ZFAT: variants seen among roughly 807,000 people sequenced by gnomAD.
ZFAT encodes zinc finger and AT-hook domain containing.
ZFAT carries 64 observed loss-of-function variants against 117.7 expected under a neutral mutation model. The observed-to-expected ratio is 0.54, with a 90% confidence interval of 0.44 to 0.67. The LOEUF (loss-of-function observed/expected upper bound fraction) is 0.67, where lower values mean the gene tolerates loss of function less well. Ranked by LOEUF, ZFAT falls within the 30% of genes least tolerant of loss-of-function variation. ZFAT has a pLI of 0.00. For synonymous variants in ZFAT, 679 were observed against 615.0 expected (o/e 1.10, Z -1.54); for missense variants, 1,433 against 1,584.5 (o/e 0.90, Z 1.62).
Position 134,638,097 on chromosome 8 carries a change from C to T in ZFAT, c.197-385G>A, listed in dbSNP as rs150899174. The stretch of plus-strand genomic sequence containing the variant: ...ACTGCTTAGGGACTCCTTTGCAAAG[C>T]GTTCTCAAAGGCTGCTGAGCTTGTC... On this transcript the variant is annotated intron_variant, in intron 2 of 15. Coordinates refer to ENST00000377838, the MANE Select transcript of ZFAT (RefSeq NM_020863.4). Among the ~76,000 whole-genome samples, 725 of 152,258 alleles carry T rather than the reference C, an allele frequency of 4.8e-3. 2 individuals are homozygous for T. The highest frequency in any genetic ancestry group is 8.1e-3 in the Non-Finnish European group (549 of 68,030).
the ZFAT span, among the ~76,000 whole-genome samples, chr8:134,740,364 T>C: frequency 6.6e-6 from 1 of 152,230 alleles, no homozygotes; most frequent in Non-Finnish European, 1.5e-5. Flanking sequence ...GAAAGTGAAC[T>C]TGTGCTACCC....
At chr8:134,814,663 C>T in the ZFAT span, among the ~76,000 whole-genome samples, 1 of 152,226 alleles carries the variant, frequency 6.6e-6, no homozygotes, top group Non-Finnish European at 1.5e-5. Context: ...GGACACTTAA[C>T]AGACACACCC....
chr8:134,572,115 G>C (rs976340242), intron 10 of ZFAT, among the ~76,000 whole-genome samples: 4 of 152,200 alleles, frequency 2.6e-5, no homozygotes, highest in Non-Finnish European at 5.9e-5. Context: ...TCACCTTAGT[G>C]CATCATACAA....
At chr8:134,816,394 G>T in the ZFAT span, among the ~76,000 whole-genome samples, 1 of 150,094 alleles carries the variant, frequency 6.7e-6, no homozygotes. Context: ...ATCCTGTGAT[G>T]AAAAAAACAA....
At chr8:134,645,498 A>AC (rs1830833616) in intron 2 of ZFAT, among the ~76,000 whole-genome samples, 5 of 151,924 alleles carry the variant, frequency 3.3e-5, no homozygotes, top group African/African-American at 1.2e-4. Flanking sequence ...CACACACACA[A>AC]AAAAGAAAAC....
At chr8:134,796,983 A>C in the ZFAT span, 1 of 152,202 alleles carries the variant, frequency 6.6e-6, no homozygotes, top group African/African-American at 2.4e-5. Flanking sequence ...GATTTGAAGA[A>C]TTTATAACAT....
intron 1 of ZFAT, among the ~76,000 whole-genome samples, chr8:134,669,428 A>G (rs1159852899): frequency 6.6e-6 from 1 of 152,270 alleles, no homozygotes; most frequent in African/African-American, 2.4e-5. Flanking sequence ...ACAAGCCAGA[A>G]GAGAGTGGAA....
chr8:134,698,197 A>T (rs1295444094), intron 1 of ZFAT, among the ~76,000 whole-genome samples: 1 of 151,828 alleles, frequency 6.6e-6, no homozygotes, highest in Non-Finnish European at 1.5e-5. Context: ...GTGGTGGCAG[A>T]TGCCTGTAGT....
At chr8:134,571,335 G>A (rs1168697337) in intron 10 of ZFAT, among the ~76,000 whole-genome samples, 1 of 152,234 alleles carries the variant, frequency 6.6e-6, no homozygotes, top group Non-Finnish European at 1.5e-5. Context: ...AGGAGGACCA[G>A]CCGCATGAGG....
At chr8:134,508,256 C>T (rs1819556815) in intron 15 of ZFAT, among the ~76,000 whole-genome samples, 1 of 152,224 alleles carries the variant, frequency 6.6e-6, no homozygotes, top group Non-Finnish European at 1.5e-5. Context: ...TCATGCTTTG[C>T]ATTGTGCCCT....
intron 11 of ZFAT, among the ~76,000 whole-genome samples, chr8:134,546,028 T>C (rs1822664446): frequency 6.6e-6 from 1 of 152,212 alleles, no homozygotes; most frequent in African/African-American, 2.4e-5. Context: ...GAATGATACA[T>C]AGCATGCAAC....
chr8:134,494,855 T>G (rs1818316472), intron 15 of ZFAT, among the ~76,000 whole-genome samples: 1 of 152,242 alleles, frequency 6.6e-6, no homozygotes, highest in Non-Finnish European at 1.5e-5. Flanking sequence ...CTTCTTGTTT[T>G]GAGCACCAGT....
chr8:134,486,164 C>T (rs1377130135), intron 15 of ZFAT, among the ~76,000 whole-genome samples: 1 of 152,144 alleles, frequency 6.6e-6, no homozygotes, highest in African/African-American at 2.4e-5. Flanking sequence ...TCAGTTAACC[C>T]CTTACTGGGT....
At chr8:134,788,937 A>C in the ZFAT span, among the ~76,000 whole-genome samples, 1 of 151,920 alleles carries the variant, frequency 6.6e-6, no homozygotes, top group Non-Finnish European at 1.5e-5. Context: ...TTTACATTCA[A>C]CCTTTTTGTG....
intron 12 of ZFAT, among the ~76,000 whole-genome samples, chr8:134,523,113 C>A (rs1320530657): frequency 6.6e-6 from 1 of 152,180 alleles, no homozygotes; most frequent in African/African-American, 2.4e-5. Flanking sequence ...CCTCCATCAT[C>A]CTGAAGTTTT....
chr8:134,620,798 T>C (rs1223978823), intron 3 of ZFAT, among the ~76,000 whole-genome samples: 1 of 152,074 alleles, frequency 6.6e-6, no homozygotes, highest in East Asian at 1.9e-4. Context: ...CTAGGCAGGG[T>C]GCTTGACAAA....
intron 11 of ZFAT, among the ~76,000 whole-genome samples, chr8:134,534,145 T>C (rs1209001017): frequency 1.3e-5 from 2 of 152,220 alleles, no homozygotes; most frequent in Non-Finnish European, 2.9e-5. Context: ...TCTCTTAGCA[T>C]GGATCTTTTC....
At chr8:134,729,712 G>A in the ZFAT span, among the ~76,000 whole-genome samples, 1 of 152,202 alleles carries the variant, frequency 6.6e-6, no homozygotes, top group African/African-American at 2.4e-5. Context: ...GTCCTTATAA[G>A]CAATGCCTCT....
intron 14 of ZFAT, among the ~76,000 whole-genome samples, chr8:134,511,235 G>A (rs536752836): frequency 6.6e-6 from 1 of 152,282 alleles, no homozygotes; most frequent in African/African-American, 2.4e-5. Flanking sequence ...GTGAGTCTGA[G>A]AGTGAGAGTG....
Sources: gnomAD v4.1 joint callset for allele counts (sites outside exome capture counted in the v4.1 genomes callset) on GRCh38, gnomAD v4.1.1 for gene constraint, MANE v1.5 for transcripts, NCBI Gene and HGNC (gene_info 2026-07-23, HGNC 2026-07-21) for gene names.